The following CTNND2 variants were observed in gnomAD, a reference collection of about 807,000 sequenced individuals.
The protein encoded by CTNND2 is catenin delta-2.
CTNND2 carries 22 observed loss-of-function variants against 144.4 expected under a neutral mutation model. That is an observed-to-expected ratio of 0.15 (90% CI 0.11 to 0.22). The LOEUF (loss-of-function observed/expected upper bound fraction) is 0.22. Ranked by LOEUF, CTNND2 falls within the 10% of genes least tolerant of loss-of-function variation. CTNND2 has a pLI of 1.00. For missense variants in CTNND2, 1,353 were observed against 1,618.8 expected (o/e 0.84, Z 2.82); for synonymous variants, 751 against 695.6 (o/e 1.08, Z -1.25).
At chr5:11,132,197 G>C (rs1219468660) in intron 12 of CTNND2, among the ~76,000 whole-genome samples, 1 of 152,142 alleles carries the variant, frequency 6.6e-6, no homozygotes, top group Non-Finnish European at 1.5e-5. Flanking sequence ...CTGCTCACTG[G>C]GGGGCTAAGT....
intron 2 of CTNND2, among the ~76,000 whole-genome samples, chr5:11,641,653 T>C (rs1190295997): frequency 6.7e-6 from 1 of 150,224 alleles, no homozygotes; most frequent in Non-Finnish European, 1.5e-5. Context: ...TACATATACG[T>C]GTGTATATAC....
chr5:11,738,330 T>A (rs1787809740), intron 1 of CTNND2, among the ~76,000 whole-genome samples: 1 of 152,186 alleles, frequency 6.6e-6, no homozygotes, highest in South Asian at 2.1e-4. Flanking sequence ...TGCATAACAA[T>A]AACAGCAAAA....
intron 1 of CTNND2, among the ~76,000 whole-genome samples, chr5:11,822,481 T>C (rs61761575): frequency 0.02 from 3,029 of 152,162 alleles, 137 homozygotes; most frequent in East Asian, 0.19. Context: ...TTTATTGTGG[T>C]AGGCAGTCTC....
intron 16 of CTNND2, among the ~76,000 whole-genome samples, chr5:11,069,389 T>C (rs906735697): frequency 6.6e-6 from 1 of 151,958 alleles, no homozygotes. Context: ...TAGGAGTAGA[T>C]AGAAAAGGAG....
chr5:11,417,154 A>AT (rs1458397498), intron 3 of CTNND2, among the ~76,000 whole-genome samples: 3 of 152,180 alleles, frequency 2.0e-5, no homozygotes, highest in African/African-American at 7.2e-5. Context: ...GAAAGGTAAT[A>AT]TTTTCCCATT....
intron 3 of CTNND2, among the ~76,000 whole-genome samples, chr5:11,556,405 G>A (rs1776243622): frequency 6.6e-6 from 1 of 152,064 alleles, no homozygotes; most frequent in Admixed American, 6.6e-5. Flanking sequence ...CTTACTTTGT[G>A]AAACAATTAT....
chr5:11,377,295 T>G (rs921842059), intron 7 of CTNND2, among the ~76,000 whole-genome samples: 28 of 152,218 alleles, frequency 1.8e-4, no homozygotes, highest in Middle Eastern at 3.4e-3. Context: ...GACCTCATGA[T>G]CTGCCTACCT....
At chr5:11,886,575 C>T (rs1041519468) in intron 1 of CTNND2, among the ~76,000 whole-genome samples, 1 of 151,834 alleles carries the variant, frequency 6.6e-6, no homozygotes, top group African/African-American at 2.4e-5. Context: ...TTGGAACATA[C>T]TTAGACTGAA....
chr5:11,335,835 A>T (rs1442359309), intron 9 of CTNND2, among the ~76,000 whole-genome samples: 1 of 152,186 alleles, frequency 6.6e-6, no homozygotes, highest in Non-Finnish European at 1.5e-5. Context: ...ACAACCAATC[A>T]GACTGATTGT....
intron 18 of CTNND2, among the ~76,000 whole-genome samples, chr5:11,007,076 A>G (rs1740561515): frequency 6.6e-6 from 1 of 152,236 alleles, no homozygotes; most frequent in Non-Finnish European, 1.5e-5. Context: ...AGGTAACCCA[A>G]TGTGGATGTA....
chr5:11,613,304 A>G (rs1780423408), intron 2 of CTNND2, among the ~76,000 whole-genome samples: 1 of 150,672 alleles, frequency 6.6e-6, no homozygotes, highest in South Asian at 2.1e-4. Context: ...ACGTGTGTGT[A>G]TATGTGTATG....
chr5:11,259,041 T>C (rs930506682), intron 9 of CTNND2, among the ~76,000 whole-genome samples: 1 of 152,196 alleles, frequency 6.6e-6, no homozygotes, highest in Non-Finnish European at 1.5e-5. Flanking sequence ...CCTGAAGGTA[T>C]TTTGTAGCTA....
At chr5:11,046,642 G>A (rs768670508) in intron 16 of CTNND2, among the ~76,000 whole-genome samples, 3 of 152,130 alleles carry the variant, frequency 2.0e-5, no homozygotes, top group Admixed American at 6.5e-5. Context: ...GGAATCCCAC[G>A]GAATTTGCCA....
chr5:11,336,810 C>T (rs1291986813), intron 9 of CTNND2, among the ~76,000 whole-genome samples: 2 of 152,008 alleles, frequency 1.3e-5, no homozygotes, highest in East Asian at 1.9e-4. Flanking sequence ...CATACAAATG[C>T]TCATATCACA....
At chr5:11,567,654 A>G (rs575712054) in intron 2 of CTNND2, among the ~76,000 whole-genome samples, 25 of 152,312 alleles carry the variant, frequency 1.6e-4, no homozygotes, top group African/African-American at 6.0e-4. Flanking sequence ...TATATCAGAC[A>G]CTGATGAATC....
At chr5:11,332,870 A>G (rs1402476424) in intron 9 of CTNND2, among the ~76,000 whole-genome samples, 1 of 152,176 alleles carries the variant, frequency 6.6e-6, no homozygotes, top group African/African-American at 2.4e-5. Flanking sequence ...AAGTCTCATG[A>G]GATCTGATGG....
chr5:11,892,195 C>T (rs1453497899), intron 1 of CTNND2, among the ~76,000 whole-genome samples: 1 of 152,094 alleles, frequency 6.6e-6, no homozygotes, highest in Admixed American at 6.5e-5. Flanking sequence ...TTTCCACATG[C>T]AGCTTAGCTT....
chr5:11,130,738 A>G (rs1755507599), intron 12 of CTNND2, among the ~76,000 whole-genome samples: 1 of 152,000 alleles, frequency 6.6e-6, no homozygotes, highest in Non-Finnish European at 1.5e-5. Context: ...CTAGGCATTG[A>G]TTTTTTCATG....
At chr5:11,487,703 C>T (rs1397793996) in intron 3 of CTNND2, among the ~76,000 whole-genome samples, 1 of 152,066 alleles carries the variant, frequency 6.6e-6, no homozygotes, top group Non-Finnish European at 1.5e-5. Flanking sequence ...TTACATTTTA[C>T]TATGATTTAT....
Sources: allele counts gnomAD v4.1 joint callset (sites outside exome capture counted in the v4.1 genomes callset), GRCh38; gene constraint gnomAD v4.1.1; transcripts MANE v1.5; gene names NCBI Gene and HGNC (gene_info 2026-07-23, HGNC 2026-07-21).